The following MACROD2 variants were observed in gnomAD, a reference collection of about 807,000 sequenced individuals.
The protein encoded by MACROD2 is mono-ADP ribosylhydrolase 2.
Under a neutral mutation model 70.4 loss-of-function variants are expected in MACROD2, and 36 were observed. The observed-to-expected ratio is 0.51, with a 90% CI of 0.39 to 0.68. The LOEUF (loss-of-function observed/expected upper bound fraction) is 0.68, where lower values mean the gene tolerates loss of function less well. Ranked by LOEUF, MACROD2 falls within the 30% of genes least tolerant of loss-of-function variation. MACROD2 has a pLI of 0.00. For synonymous variants in MACROD2, 172 were observed against 178.8 expected (o/e 0.96, Z 0.30); for missense variants, 496 against 538.4 (o/e 0.92, Z 0.78).
At chr20:15,208,269 G>T (rs1227768125) in intron 5 of MACROD2, among the ~76,000 whole-genome samples, 1 of 151,940 alleles carries the variant, frequency 6.6e-6, no homozygotes, top group African/African-American at 2.4e-5. Context: ...ATTTTCATTT[G>T]GTTCTTCTTT....
intron 5 of MACROD2, among the ~76,000 whole-genome samples, chr20:14,897,945 C>T (rs905470338): frequency 6.6e-6 from 1 of 152,042 alleles, no homozygotes; most frequent in Non-Finnish European, 1.5e-5. Flanking sequence ...AGAAGTCTGC[C>T]CTCATGAACC....
intron 3 of MACROD2, among the ~76,000 whole-genome samples, chr20:14,189,479 T>C (rs946821714): frequency 1.3e-5 from 2 of 152,180 alleles, no homozygotes; most frequent in African/African-American, 4.8e-5. Context: ...TTGGTTTCCT[T>C]TATTTATATT....
intron 6 of MACROD2, among the ~76,000 whole-genome samples, chr20:15,368,331 A>G (rs886135461): frequency 5.3e-5 from 8 of 152,054 alleles, no homozygotes; most frequent in African/African-American, 1.7e-4. Context: ...TAATGCCATT[A>G]TCTTAAAAAA....
intron 8 of MACROD2, among the ~76,000 whole-genome samples, chr20:15,542,928 C>T (rs544399131): frequency 7.2e-5 from 11 of 152,258 alleles, no homozygotes; most frequent in East Asian, 1.9e-4. Context: ...ATGGCTCTTC[C>T]GAGTCTACCC....
intron 4 of MACROD2, among the ~76,000 whole-genome samples, chr20:14,667,661 A>T (rs1224300447): frequency 6.6e-6 from 1 of 152,178 alleles, no homozygotes; most frequent in African/African-American, 2.4e-5. Flanking sequence ...TCTGCTGGGT[A>T]AAAAGAAAAT....
chr20:15,602,514 C>G (rs530153198), intron 8 of MACROD2, among the ~76,000 whole-genome samples: 1 of 152,310 alleles, frequency 6.6e-6, no homozygotes, highest in South Asian at 2.1e-4. Flanking sequence ...ACCCAAACTT[C>G]AGTAGCTACT....
intron 5 of MACROD2, among the ~76,000 whole-genome samples, chr20:15,174,670 G>T (rs1320677696): frequency 6.6e-5 from 10 of 152,234 alleles, no homozygotes; most frequent in African/African-American, 1.7e-4. Flanking sequence ...CACCTGTTGT[G>T]TCCTGACTTT....
intron 5 of MACROD2, among the ~76,000 whole-genome samples, chr20:14,760,430 A>C (rs1225270972): frequency 6.6e-6 from 1 of 152,128 alleles, no homozygotes; most frequent in Non-Finnish European, 1.5e-5. Context: ...GGAAAGTATT[A>C]ATTAATTTTA....
intron 2 of MACROD2, among the ~76,000 whole-genome samples, chr20:14,046,380 C>T (rs2053475067): frequency 6.6e-6 from 1 of 152,138 alleles, no homozygotes; most frequent in African/African-American, 2.4e-5. Context: ...CAGACAGCAT[C>T]AGATTGATAA....
intron 5 of MACROD2, among the ~76,000 whole-genome samples, chr20:15,229,104 T>C (rs2076937363): frequency 6.6e-6 from 1 of 152,192 alleles, no homozygotes; most frequent in Non-Finnish European, 1.5e-5. Flanking sequence ...GTGGGGTTTT[T>C]CTTCTGCTCT....
chr20:15,938,835 A>C (rs2065706745), intron 12 of MACROD2, among the ~76,000 whole-genome samples: 1 of 152,186 alleles, frequency 6.6e-6, no homozygotes, highest in Non-Finnish European at 1.5e-5. Context: ...ATGTTCTTGA[A>C]GGAAATTAAA....
rs543556221 is a variant in MACROD2, at chr20:14,735,966, C to T, written c.418+51007C>T. On this transcript the variant is annotated intron_variant, in intron 5 of 17. Transcript: ENST00000684519. ...ATTACCATATGATCCAGCAATTCTA[C>T]GCCTAGATATAGATGCCAAAGAACT... Among the ~76,000 whole-genome samples the T allele has an allele frequency of 3.3e-5, 5 of 152,234 alleles. No individual in the cohort carries two copies. In the East Asian group the frequency reaches 5.8e-4, roughly 18 times the overall value.
intron 4 of MACROD2, among the ~76,000 whole-genome samples, chr20:14,634,709 A>G (rs1172077052): frequency 6.6e-6 from 1 of 152,282 alleles, no homozygotes; most frequent in East Asian, 1.9e-4. Context: ...CTGGTTTTCA[A>G]TGCTGAAGGC....
At chr20:14,205,242 C>T (rs576934147) in intron 3 of MACROD2, among the ~76,000 whole-genome samples, 43 of 152,270 alleles carry the variant, frequency 2.8e-4, no homozygotes, top group Admixed American at 1.2e-3. Context: ...TAAGATAATA[C>T]TCTAGGTAGT....
rs56188346 is a variant in MACROD2, at chr20:15,168,441, ATGTGTGTGTGTG to A, written c.419-61461_419-61450del. On this transcript the variant is annotated intron_variant, in intron 5 of 17. Transcript: ENST00000684519. ...CCTCTTCCTCTCTCCACATTGTGGGATGTGTGTGTGTGTGTGTGTGTGTGTGTGTGTGTGTGT... is the reference window on the plus strand; with the variant it reads ...CCTCTTCCTCTCTCCACATTGTGGGATGTGTGTGTGTGTGTGTGTGTGTGT... Among the ~76,000 whole-genome samples the A allele has an allele frequency of 7.0e-3, 939 of 134,722 alleles. 10 individuals are homozygous for A. The highest frequency in any genetic ancestry group is 0.017 in the Admixed American group (219 of 13,264). The allele number at this position is 134,722 out of a possible 152,430, so 88.4% of individuals were successfully genotyped here. A position where few individuals can be genotyped will look rare whatever the true frequency, so the allele number is the denominator to read the frequency against.
intron 3 of MACROD2, among the ~76,000 whole-genome samples, chr20:14,473,867 T>G (rs1317066383): frequency 6.6e-6 from 1 of 152,158 alleles, no homozygotes; most frequent in Non-Finnish European, 1.5e-5. Context: ...TGATGTCTCC[T>G]TTTAGTTTTT....
intron 10 of MACROD2, among the ~76,000 whole-genome samples, chr20:15,922,481 T>A (rs1011949571): frequency 1.3e-5 from 2 of 152,196 alleles, no homozygotes; most frequent in African/African-American, 2.4e-5. Flanking sequence ...ATAGCACATC[T>A]CAATGTGGAC....
chr20:15,760,197 T>G (rs2051415115), intron 8 of MACROD2, among the ~76,000 whole-genome samples: 1 of 152,200 alleles, frequency 6.6e-6, no homozygotes, highest in African/African-American at 2.4e-5. Flanking sequence ...GTGTCTCGGC[T>G]TCACGAAAAT....
At chr20:15,057,274 A>G (rs887287651) in intron 5 of MACROD2, among the ~76,000 whole-genome samples, 9 of 152,204 alleles carry the variant, frequency 5.9e-5, no homozygotes, top group African/African-American at 2.2e-4. Context: ...ATTTTATTCC[A>G]GGACTGCCTT....
Sources: gnomAD v4.1 joint callset for allele counts (sites outside exome capture counted in the v4.1 genomes callset) on GRCh38, gnomAD v4.1.1 for gene constraint, MANE v1.5 for transcripts, NCBI Gene and HGNC (gene_info 2026-07-23, HGNC 2026-07-21) for gene names.